Variants in PRC1 observed in about 807,000 individuals in gnomAD.
PRC1 encodes the protein anaphase spindle elongation 1 homolog.
PRC1 carries 54 observed loss-of-function variants against 91.2 expected under a neutral mutation model. That is an observed-to-expected ratio of 0.59 (90% CI 0.48 to 0.74). The LOEUF (loss-of-function observed/expected upper bound fraction) is 0.74, where lower values mean the gene tolerates loss of function less well. PRC1 is among the 30% of genes least tolerant of loss of function. PRC1 has a pLI of 0.00. For synonymous variants in PRC1, 275 were observed against 263.6 expected (o/e 1.04, Z -0.42); for missense variants, 727 against 746.2 (o/e 0.97, Z 0.30).
intron 5 of PRC1, 178 bp downstream of exon 5, chr15:90,981,321 A>C: frequency 1.4e-6 from 1 of 739,980 alleles, no homozygotes; most frequent in Non-Finnish European, 2.1e-6. Context: ...AGCCATATAA[A>C]GGTTTTTTAA....
At chr15:90,982,960 C>CT (rs2039319121) in intron 3 of PRC1, among the ~76,000 whole-genome samples, 1 of 151,908 alleles carries the variant, frequency 6.6e-6, no homozygotes, top group South Asian at 2.1e-4. Context: ...AGGACATATA[C>CT]ATTTTTCTTA....
intron 1 of PRC1, among the ~76,000 whole-genome samples, chr15:90,985,128 G>A (rs6496743): frequency 0.54 from 81,670 of 151,984 alleles, 26,595 homozygotes; most frequent in East Asian, 0.99. Flanking sequence ...AAGAAAAACC[G>A]GACAAAAGAT....
At position 90,975,323 on chromosome 15, in the gene PRC1, C is replaced by T. The variant is rs770476817; in HGVS notation, c.1204-592G>A. ...TTCGTCATGTTGGCCAGGCTGGTCT[C>T]GAACTGCCTCGGCCTCCCAAAGCCC... is the stretch of plus-strand genomic sequence containing the variant. On this transcript the variant is annotated intron_variant, in intron 9 of 14. Transcript: ENST00000394249. Among the ~76,000 whole-genome samples, 5 of 152,008 alleles carry T rather than the reference C, an allele frequency of 3.3e-5. No homozygotes were observed. The South Asian group carries it at 6.2e-4, about 19-fold the overall frequency.
At position 90,967,019 on chromosome 15, in the gene PRC1, C is replaced by G. The variant is rs1049991131; in HGVS notation, c.*112G>C. 3 of 921,810 alleles carry G rather than the reference C, an allele frequency of 3.3e-6. No individual in the cohort carries two copies. Among genetic ancestry groups the G allele is most frequent in the Non-Finnish European group, 3.5e-6 (2 of 576,824 alleles). 57.1% of individuals were successfully genotyped at this position (921,810 alleles called of 1,614,324 possible). On this transcript the variant is annotated 3_prime_UTR_variant, in exon 15 of 15. Coordinates refer to ENST00000394249, the MANE Select transcript of PRC1 (RefSeq NM_003981.4). ...TTAAGTTAGGCCCATGGTCATGGAA[C>G]CTGGCCAAGGTTTCAAGCACGCCTA...
intron 1 of PRC1, among the ~76,000 whole-genome samples, chr15:90,993,743 A>G (rs1459373198): frequency 3.9e-5 from 6 of 152,286 alleles, no homozygotes; most frequent in African/African-American, 1.2e-4. Context: ...AAACAAAGCT[A>G]TCTTTCCAAT....
Position 90,981,483 on chromosome 15 carries a change from T to C in PRC1, c.672+16A>G. 2 of 1,613,492 alleles carry C rather than the reference T, an allele frequency of 1.2e-6. No homozygotes were observed. Among genetic ancestry groups the C allele is most frequent in the Non-Finnish European group, 8.5e-7 (1 of 1,179,952 alleles). ...ATACTACGGAGATCCTAGGGCATAA[T>C]TTGAGAAGACAGTACCTGCCGTAGC... On this transcript the variant is annotated intron_variant, in intron 5 of 14. Transcript: ENST00000394249.
In PRC1 at chr15:90,974,812, A is replaced by G; in HGVS notation, c.1204-81T>C. 6.6e-7 allele frequency: 1 copy of G among 1,511,918 alleles called. No individual in the cohort carries two copies. The highest frequency in any genetic ancestry group is 9.1e-7 in the Non-Finnish European group (1 of 1,097,848). The allele number at this position is 1,511,918 out of a possible 1,614,324, so 93.7% of individuals were successfully genotyped here. On this transcript the variant is annotated intron_variant, in intron 9 of 14. Coordinates refer to ENST00000394249, the MANE Select transcript of PRC1 (RefSeq NM_003981.4). This position sits in a 1 kb window ranked among gnomAD's most constrained non-coding sequence, Gnocchi z 4.6. ...AATGAAATGATTTCCCTAGAGAGTG[A>G]CTCCTCCTCCCCAGAGCATCATTAG...
chr15:90,976,608 G>T, intron 9 of PRC1, 68 bp downstream of exon 9: 1 of 1,289,276 alleles, frequency 7.8e-7, no homozygotes, highest in Non-Finnish European at 1.1e-6. Flanking sequence ...ACAATAGAAA[G>T]AAAAAGACAT....
chr15:90,986,880 G>A (rs1009620332), intron 1 of PRC1, among the ~76,000 whole-genome samples: 2 of 140,218 alleles, frequency 1.4e-5, no homozygotes, highest in African/African-American at 2.9e-5. Context: ...ATAGTTGTAA[G>A]GGGAAGAGGA....
At chr15:90,975,940 GACGACA>G (rs1265546528) in intron 9 of PRC1, among the ~76,000 whole-genome samples, 1 of 152,174 alleles carries the variant, frequency 6.6e-6, no homozygotes, top group East Asian at 1.9e-4. Context: ...ACACGGAGAA[GACGACA>G]ACCATTTACA....
At position 90,974,774 on chromosome 15, in the gene PRC1, A is replaced by G. The variant is rs774353931; in HGVS notation, c.1204-43T>C. 1 of 1,607,590 alleles carries G rather than the reference A, an allele frequency of 6.2e-7. No homozygotes were observed. The highest frequency in any genetic ancestry group is 8.5e-7 in the Non-Finnish European group (1 of 1,174,560). On this transcript the variant is annotated intron_variant, in intron 9 of 14. Coordinates refer to ENST00000394249, the MANE Select transcript of PRC1 (RefSeq NM_003981.4). The surrounding 1 kb of genome is among the most constrained non-coding windows in gnomAD (Gnocchi z 4.6). ...GACATGTTAATTACTTCAACTCTTT[A>G]GTGCAAAGCCCAAATGAAATGATTT...
At position 90,967,408 on chromosome 15, in the gene PRC1, G is replaced by A. The variant is rs569746208; in HGVS notation, c.1792-206C>T. On this transcript the variant is annotated intron_variant, in intron 14 of 14. Transcript: ENST00000394249. ...ACAGACAGAGTGCATGTGCACGCAT[G>A]CCCGTGACCCCTTTTTCCTCAGCCA... The A allele has an allele frequency of 4.3e-5, 25 of 579,002 alleles. No individual in the cohort carries two copies. In the African/African-American group the frequency reaches 4.5e-4, roughly 10 times the overall value. The allele number at this position is 579,002 out of a possible 1,614,324, so 35.9% of individuals were successfully genotyped here.
intron 1 of PRC1, among the ~76,000 whole-genome samples, chr15:90,992,035 G>T (rs1306159788): frequency 6.6e-6 from 1 of 152,060 alleles, no homozygotes; most frequent in Non-Finnish European, 1.5e-5. Context: ...AACATACCAG[G>T]CGCTATCTCC....
intron 8 of PRC1, chr15:90,977,371 T>C (rs1291055955): frequency 6.6e-6 from 1 of 152,080 alleles, no homozygotes; most frequent in Non-Finnish European, 1.5e-5. Flanking sequence ...CTTGTAATTA[T>C]AAATTAGGTG....
Position 90,966,630 on chromosome 15 carries a change from A to G in PRC1, c.*501T>C, listed in dbSNP as rs1481535386. The G allele has an allele frequency of 2.2e-6, 1 of 456,228 alleles. No homozygotes were observed. Among genetic ancestry groups the G allele is most frequent in the Non-Finnish European group, 4.4e-6 (1 of 226,902 alleles). 28.3% of individuals were successfully genotyped at this position (456,228 alleles called of 1,614,324 possible). A position where few individuals can be genotyped will look rare whatever the true frequency, so the allele number is the denominator to read the frequency against. ...ATCTCAACTTCGGACACACAAAGAC[A>G]TTCTCTTCAGGAGGAAGGCTGTCCT... is the stretch of plus-strand genomic sequence containing the variant. On this transcript the variant is annotated 3_prime_UTR_variant, in exon 15 of 15. Transcript: ENST00000394249.
intron 11 of PRC1, 140 bp from the exon 12 acceptor site, chr15:90,970,654 T>C: frequency 1.6e-6 from 1 of 615,292 alleles, no homozygotes; most frequent in South Asian, 2.0e-5. Context: ...GCCTGCTGTG[T>C]CTAATACTGC....
chr15:90,989,181 C>T (rs138600901), intron 1 of PRC1, among the ~76,000 whole-genome samples: 96 of 152,122 alleles, frequency 6.3e-4, no homozygotes, highest in African/African-American at 2.3e-3. Context: ...GGAACTAGAA[C>T]CCTCAGACAC....
chr15:90,981,488 G>A lies in PRC1; in HGVS notation c.672+11C>T, dbSNP rs1411666061. On this transcript the variant is annotated intron_variant, in intron 5 of 14. Coordinates refer to ENST00000394249, the MANE Select transcript of PRC1 (RefSeq NM_003981.4). ...ACGGAGATCCTAGGGCATAATTTGA[G>A]AAGACAGTACCTGCCGTAGCAACTT... 1 of 1,613,352 alleles carries A rather than the reference G, an allele frequency of 6.2e-7. No individual in the cohort carries two copies. Among genetic ancestry groups the A allele is most frequent in the African/African-American group, 1.3e-5 (1 of 74,896 alleles).
intron 12 of PRC1, 98 bp from the exon 13 acceptor site, chr15:90,969,721 T>C: frequency 3.5e-6 from 3 of 866,130 alleles, no homozygotes; most frequent in Non-Finnish European, 5.0e-6. Flanking sequence ...ACTATCTTTA[T>C]ATTCATGTCT....
Sources: gnomAD v4.1 joint callset for allele counts (sites outside exome capture counted in the v4.1 genomes callset) on GRCh38, gnomAD v4.1.1 for gene constraint, Gnocchi (gnomAD v3.1) non-coding constraint, MANE v1.5 for transcripts, NCBI Gene and HGNC (gene_info 2026-07-23, HGNC 2026-07-21) for gene names.